Variants in PHF20 observed in about 807,000 individuals in gnomAD.
PHF20 encodes PHD finger protein 20.
PHF20 carries 23 observed loss-of-function variants against 113.5 expected under a neutral mutation model. That is an observed-to-expected ratio of 0.20 (90% CI 0.15 to 0.29). PHF20 has a LOEUF of 0.29. Ranked by LOEUF, PHF20 falls within the 10% of genes least tolerant of loss-of-function variation. PHF20 has a pLI of 1.00. For synonymous variants in PHF20, 434 were observed against 457.3 expected, an observed-to-expected ratio of 0.95 and a Z score of 0.65; for missense variants, 943 against 1,219.6, an observed-to-expected ratio of 0.77 and a Z score of 3.38.
At chr20:35,879,510 G>T (rs1380220054) in intron 9 of PHF20, among the ~76,000 whole-genome samples, 1 of 152,060 alleles carries the variant, frequency 6.6e-6, no homozygotes, top group South Asian at 2.1e-4. Flanking sequence ...TGTAACAATC[G>T]TAAACATTAA....
At position 35,856,739 on chromosome 20, in the gene PHF20, G is replaced by A. The variant is rs117777209; in HGVS notation, c.341-1563G>A. On this transcript the variant is annotated intron_variant, in intron 4 of 17. Coordinates refer to ENST00000374012, the MANE Select transcript of PHF20 (RefSeq NM_016436.5). ...TTACAGAACTGTTGTGGGTATTTGA[G>A]CCAGGCACTTAAAGATCAGTGAGTG... Among the ~76,000 whole-genome samples, 309 of 152,308 alleles carry A rather than the reference G, an allele frequency of 2.0e-3. 1 individual carries two copies. The highest frequency in any genetic ancestry group is 3.8e-3 in the Non-Finnish European group (256 of 68,020).
At chr20:35,788,418 G>A (rs1417822476) in intron 1 of PHF20, among the ~76,000 whole-genome samples, 1 of 151,348 alleles carries the variant, frequency 6.6e-6, no homozygotes, top group Admixed American at 6.6e-5. Flanking sequence ...TTTTTGTAGA[G>A]TTGAGATCTC....
intron 5 of PHF20, among the ~76,000 whole-genome samples, chr20:35,859,237 G>C (rs1357656584): frequency 6.6e-6 from 1 of 152,114 alleles, no homozygotes; most frequent in African/African-American, 2.4e-5. Flanking sequence ...CCTCAGTTTT[G>C]GTACTGGAAA....
At position 35,913,332 on chromosome 20, in the gene PHF20, A is replaced by C. The variant is rs2055342678; in HGVS notation, c.1645A>C (p.Lys549Gln). Residue 549 changes from lysine to glutamine, a missense_variant, in exon 11 of 18, where the codon AAG becomes CAG. Around this residue, in one of 3 missense-constraint regions of PHF20, gnomAD observed 592 missense variants for 787.2 expected, o/e 0.75. Coordinates refer to ENST00000374012, the MANE Select transcript of PHF20 (RefSeq NM_016436.5). ...GCCAAAGAAGAAAAAGAAAAAGAAA[A>C]AGAAAACCAAACCTGGTAATTTTTT... ...VKPKKKKKKK[K>Q]KTKPECPCSE... The C allele has an allele frequency of 6.3e-7, 1 of 1,598,620 alleles. No individual in the cohort carries two copies. The highest frequency in any genetic ancestry group is 1.4e-5 in the African/African-American group (1 of 73,886).
chr20:35,775,864 G>A (rs2041165629), intron 1 of PHF20, among the ~76,000 whole-genome samples: 1 of 151,882 alleles, frequency 6.6e-6, no homozygotes, highest in African/African-American at 2.4e-5. Flanking sequence ...CCAAGCTGGA[G>A]TGCAGTGGTG....
At chr20:35,923,806 C>CAG (rs2055567207) in intron 13 of PHF20, among the ~76,000 whole-genome samples, 1 of 152,196 alleles carries the variant, frequency 6.6e-6, no homozygotes, top group Non-Finnish European at 1.5e-5. Context: ...GGATGGAGTA[C>CAG]AGAGGCACAA....
At chr20:35,836,837 T>C (rs1259051008) in intron 2 of PHF20, among the ~76,000 whole-genome samples, 1 of 138,728 alleles carries the variant, frequency 7.2e-6, no homozygotes, top group Non-Finnish European at 1.5e-5. Context: ...ACAGGGAGAC[T>C]CCGTCTCAAA....
At chr20:35,804,191 C>A (rs534427740) in intron 2 of PHF20, among the ~76,000 whole-genome samples, 9 of 148,150 alleles carry the variant, frequency 6.1e-5, no homozygotes, top group Non-Finnish European at 1.3e-4. Flanking sequence ...TCAGCCTCAG[C>A]TGGGATTACA....
intron 10 of PHF20, among the ~76,000 whole-genome samples, chr20:35,900,146 TA>T (rs1226095519): frequency 6.6e-6 from 1 of 152,202 alleles, no homozygotes; most frequent in African/African-American, 2.4e-5. Context: ...GAAACCATAA[TA>T]GGGGTTACCA....
At chr20:35,789,436 A>AC (rs1341133603) in intron 1 of PHF20, among the ~76,000 whole-genome samples, 17 of 151,834 alleles carry the variant, frequency 1.1e-4, no homozygotes, top group African/African-American at 3.9e-4. Flanking sequence ...ATCAAAAAAA[A>AC]AAAAAAAACA....
intron 1 of PHF20, among the ~76,000 whole-genome samples, chr20:35,791,532 ATAGTG>A (rs2041553804): frequency 7.8e-6 from 1 of 128,224 alleles, no homozygotes; most frequent in Non-Finnish European, 1.6e-5. Context: ...ATATCTTAGA[ATAGTG>A]TATATATATA....
chr20:35,949,278 GA>G lies in PHF20; in HGVS notation c.*1652del, dbSNP rs1324252945. On this transcript the variant is annotated 3_prime_UTR_variant, in exon 18 of 18. Coordinates refer to ENST00000374012, the MANE Select transcript of PHF20 (RefSeq NM_016436.5). The stretch of plus-strand genomic sequence containing the variant: ...CAGGCGTGCATGGCATGCACGTTCA[GA>G]CAGCTGCATTGTAAGAGTTCTGTCA... 6.6e-6 allele frequency: 1 copy of G among 152,454 alleles called. No homozygotes were observed. The highest frequency in any genetic ancestry group is 1.9e-4 in the East Asian group (1 of 5,202). The allele number at this position is 152,454 out of a possible 1,614,324, so 9.4% of individuals were successfully genotyped here.
intron 10 of PHF20, 111 bp downstream of exon 10, chr20:35,899,759 C>A: frequency 8.8e-7 from 1 of 1,130,372 alleles, no homozygotes; most frequent in Non-Finnish European, 1.3e-6. Flanking sequence ...CCAGTTGAAT[C>A]CCACAGGACT....
chr20:35,933,801 G>A (rs2055811758), intron 15 of PHF20, among the ~76,000 whole-genome samples: 2 of 152,212 alleles, frequency 1.3e-5, no homozygotes, highest in Admixed American at 1.3e-4. Flanking sequence ...CCAAAGTGCT[G>A]TGATAACAGG....
chr20:35,801,173 T>G (rs1205224477), intron 1 of PHF20, among the ~76,000 whole-genome samples: 1 of 152,224 alleles, frequency 6.6e-6, no homozygotes, highest in Non-Finnish European at 1.5e-5. Flanking sequence ...ATTTGTTGAA[T>G]AATGCATCAG....
At chr20:35,903,041 G>T (rs1200015087) in intron 10 of PHF20, among the ~76,000 whole-genome samples, 7 of 94,910 alleles carry the variant, frequency 7.4e-5, no homozygotes, top group Non-Finnish European at 1.1e-4. Flanking sequence ...TTTTTTGAGT[G>T]ATTTTCGTTT....
chr20:35,847,225 A>G (rs1236284286), intron 3 of PHF20, 125 bp from the exon 4 acceptor site: 2 of 616,340 alleles, frequency 3.2e-6, no homozygotes, highest in African/African-American at 1.9e-5. Context: ...CCTCCATCTC[A>G]ACAGCTACTT....
Position 35,947,357 on chromosome 20 carries a change from GGAGGCTGAAATGGCCC to G in PHF20, c.2897-127_2897-112del. On this transcript the variant is annotated intron_variant, in intron 17 of 17. Coordinates refer to ENST00000374012, the MANE Select transcript of PHF20 (RefSeq NM_016436.5). ...AATGGCCCTTCCTCCCTTGCCCCAT[GGAGGCTGAAATGGCCC>G]TTCCTCCCTTGCCCCATGTCTGATG... 6.8e-6 allele frequency: 6 copies of G among 878,460 alleles called. 1 individual carries two copies. In the South Asian group the frequency reaches 1.0e-4, roughly 15 times the overall value. The allele number at this position is 878,460 out of a possible 1,614,324, so 54.4% of individuals were successfully genotyped here. A position where few individuals can be genotyped will look rare whatever the true frequency, so the allele number is the denominator to read the frequency against.
chr20:35,791,467 ATCTATCTATCT>A (rs1225516392), intron 1 of PHF20, among the ~76,000 whole-genome samples: 14 of 133,098 alleles, frequency 1.1e-4, no homozygotes, highest in African/African-American at 4.2e-4. Flanking sequence ...CTATCTATCT[ATCTATCTATCT>A]ATCTATCTAT....
Sources: allele counts gnomAD v4.1 joint callset (sites outside exome capture counted in the v4.1 genomes callset), GRCh38; gene constraint gnomAD v4.1.1; regional missense constraint gnomAD v4.1.1; transcripts MANE v1.5; gene names NCBI Gene and HGNC (gene_info 2026-07-23, HGNC 2026-07-21).